SV2B: variants seen among roughly 807,000 people sequenced by gnomAD.
SV2B encodes synaptic vesicle glycoprotein 2B.
A neutral mutation model predicts 73.9 loss-of-function variants in SV2B; 41 were observed. The ratio of observed to expected loss-of-function variants is 0.56; its 90% confidence interval spans 0.43 to 0.72. The LOEUF is 0.72. SV2B is among the 30% of genes least tolerant of loss of function. The pLI is 0.00. For synonymous variants in SV2B, 314 were observed against 314.2 expected (o/e 1.00, Z 0.01); for missense variants, 764 against 857.8 (o/e 0.89, Z 1.37).
At position 91,239,937 on chromosome 15, in the gene SV2B, C is replaced by T. The variant is rs1229451152; in HGVS notation, c.452-11882C>T. Among the ~76,000 whole-genome samples the T allele has an allele frequency of 6.6e-6, 1 of 152,174 alleles. No homozygotes were observed. The highest frequency in any genetic ancestry group is 1.5e-5 in the Non-Finnish European group (1 of 68,032). ...GCTTTCCAATCACCTGGCAGGTGTCCACCAAGTCTTATGGCTTGCCTGGAT... is the reference window on the plus strand; with the variant it reads ...GCTTTCCAATCACCTGGCAGGTGTCTACCAAGTCTTATGGCTTGCCTGGAT... On this transcript the variant is annotated intron_variant, in intron 2 of 12. Coordinates refer to ENST00000394232, the MANE Select transcript of SV2B (RefSeq NM_001323032.3). The surrounding 1 kb of genome is among the most constrained non-coding windows in gnomAD (Gnocchi z 5.1).
Position 91,220,098 on chromosome 15 carries a change from A to G in SV2B, c.-391-5775A>G, listed in dbSNP as rs1394827925. On this transcript the variant is annotated intron_variant, in intron 1 of 12. Coordinates refer to ENST00000394232, the MANE Select transcript of SV2B (RefSeq NM_001323032.3). The surrounding 1 kb of genome is among the most constrained non-coding windows in gnomAD (Gnocchi z 4.1). ...TTTGTGTCCAAGTCTTTGTGTGGGC[A>G]TATATTTTTATTTATCTTGGGTAGA... Among the ~76,000 whole-genome samples the G allele has an allele frequency of 6.6e-6, 1 of 152,196 alleles. No homozygotes were observed. Among genetic ancestry groups the G allele is most frequent in the African/African-American group, 2.4e-5 (1 of 41,444 alleles).
rs2047547543 is a variant in SV2B at position 91,252,950 on chromosome 15, G to A, written c.784+430G>A. Among the ~76,000 whole-genome samples, 1 of 152,222 alleles carries A rather than the reference G, an allele frequency of 6.6e-6. No individual in the cohort carries two copies. The highest frequency in any genetic ancestry group is 2.4e-5 in the African/African-American group (1 of 41,446). Reference sequence around the variant, plus strand: ...CAAGGCCATGTCCCTGGCATGTGGTGGAGTGGGGGCTGGAGTCCTGATGTC... The same window carrying A: ...CAAGGCCATGTCCCTGGCATGTGGTAGAGTGGGGGCTGGAGTCCTGATGTC... On this transcript the variant is annotated intron_variant, in intron 4 of 12. Transcript: ENST00000394232. This position sits in a 1 kb window ranked among gnomAD's most constrained non-coding sequence, Gnocchi z 4.6.
intron 1 of SV2B, among the ~76,000 whole-genome samples, chr15:91,161,969 TAGTC>T (rs1235638973): frequency 6.6e-6 from 1 of 152,200 alleles, no homozygotes; most frequent in African/African-American, 2.4e-5. Flanking sequence ...AATCTCAAAT[TAGTC>T]AGGGTATCCA....
At chr15:91,247,762 C>T (rs2047298289) in intron 2 of SV2B, among the ~76,000 whole-genome samples, 3 of 152,108 alleles carry the variant, frequency 2.0e-5, no homozygotes, top group African/African-American at 7.2e-5. Context: ...CTGAAGCCTC[C>T]CTCTAGCGCC....
In SV2B at chr15:91,129,465, T is replaced by C. The variant is rs2042579683; in HGVS notation, c.-392+29102T>C. ...GCTGAGTCAAGTGCAATGGTGGGGATCAGCAAAGATGTATGTCTTGGAAAA... is the reference window on the plus strand; with the variant it reads ...GCTGAGTCAAGTGCAATGGTGGGGACCAGCAAAGATGTATGTCTTGGAAAA... On this transcript the variant is annotated intron_variant, in intron 1 of 12. Coordinates refer to ENST00000394232, the MANE Select transcript of SV2B (RefSeq NM_001323032.3). This position sits in a 1 kb window ranked among gnomAD's most constrained non-coding sequence, Gnocchi z 5.1. 1.3e-5 allele frequency among the ~76,000 whole-genome samples: 2 copies of C among 152,046 alleles called. No individual in the cohort carries two copies. The highest frequency in any genetic ancestry group is 4.1e-4 in the South Asian group (2 of 4,820).
intron 1 of SV2B, among the ~76,000 whole-genome samples, chr15:91,134,004 C>CTTTTTTTTTAT (rs1555470018): frequency 4.7e-5 from 5 of 106,242 alleles, no homozygotes; most frequent in African/African-American, 1.6e-4. Flanking sequence ...TTCTTTCTTC[C>CTTTTTTTTTAT]TTTTTTTTTT....
intron 1 of SV2B, among the ~76,000 whole-genome samples, chr15:91,133,182 C>G (rs560015445): frequency 1.3e-5 from 2 of 152,128 alleles, no homozygotes. Context: ...AGGAATTAAG[C>G]ATTTTCTCCT....
intron 2 of SV2B, among the ~76,000 whole-genome samples, chr15:91,248,559 G>A (rs1221025769): frequency 3.3e-5 from 5 of 152,210 alleles, no homozygotes. Context: ...CTCAGAAAGT[G>A]AGAGGTTTTG....
chr15:91,235,951 A>G (rs1171542288), intron 2 of SV2B, among the ~76,000 whole-genome samples: 2 of 152,152 alleles, frequency 1.3e-5, no homozygotes, highest in African/African-American at 4.8e-5. Flanking sequence ...CTTAGCTCCC[A>G]AGGATGTTGG....
At chr15:91,235,097 G>T (rs1203820416) in intron 2 of SV2B, among the ~76,000 whole-genome samples, 2 of 152,184 alleles carry the variant, frequency 1.3e-5, no homozygotes, top group Non-Finnish European at 2.9e-5. Context: ...GTGAAGAAAG[G>T]ATCATTGAGG....
At position 91,265,898 on chromosome 15, in the gene SV2B, T is replaced by G. The variant is rs1197214274; in HGVS notation, c.1009-684T>G. On this transcript the variant is annotated intron_variant, in intron 6 of 12. Transcript: ENST00000394232. This position sits in a 1 kb window ranked among gnomAD's most constrained non-coding sequence, Gnocchi z 4.2. Reference sequence around the variant, plus strand: ...TGGCTCACGCCTATAATCCCAGCACTGTGGGAGGCCAAGGCAGGTGGATCA... The same window carrying G: ...TGGCTCACGCCTATAATCCCAGCACGGTGGGAGGCCAAGGCAGGTGGATCA... Among the ~76,000 whole-genome samples the G allele has an allele frequency of 6.6e-6, 1 of 152,252 alleles. No homozygotes were observed. The highest frequency in any genetic ancestry group is 1.9e-4 in the East Asian group (1 of 5,196).
chr15:91,235,634 G>A (rs1307734715), intron 2 of SV2B, among the ~76,000 whole-genome samples: 1 of 152,144 alleles, frequency 6.6e-6, no homozygotes, highest in East Asian at 1.9e-4. Context: ...TATGGATTTA[G>A]CTTTGAATGT....
chr15:91,107,128 C>A (rs954247694), intron 1 of SV2B, among the ~76,000 whole-genome samples: 2 of 151,308 alleles, frequency 1.3e-5, no homozygotes, highest in Non-Finnish European at 2.9e-5. Context: ...GTGCCAGTGG[C>A]GGAGAAAAAG....
In SV2B at chr15:91,286,776, C is replaced by T. The variant is rs149467023; in HGVS notation, c.1708+2555C>T. Among the ~76,000 whole-genome samples the T allele has an allele frequency of 9.9e-5, 15 of 152,204 alleles. No individual in the cohort carries two copies. The East Asian group carries it at 1.9e-3, about 20-fold the overall frequency. On this transcript the variant is annotated intron_variant, in intron 11 of 12. Coordinates refer to ENST00000394232, the MANE Select transcript of SV2B (RefSeq NM_001323032.3). ...ACAGAAAGGTGAAGCAACTCACTCA[C>T]GGTCACACAGGTAGTAAATAAGCCG...
chr15:91,213,126 C>G (rs2045922184), intron 1 of SV2B, among the ~76,000 whole-genome samples: 1 of 152,066 alleles, frequency 6.6e-6, no homozygotes, highest in Admixed American at 6.5e-5. Flanking sequence ...GCACTCCAGC[C>G]TGGGTGGTGG....
At chr15:91,263,520 A>G (rs2047996990) in intron 6 of SV2B, among the ~76,000 whole-genome samples, 2 of 152,070 alleles carry the variant, frequency 1.3e-5, no homozygotes, top group South Asian at 4.1e-4. Context: ...ATGTAGATGC[A>G]GAGACACACA....
intron 9 of SV2B, among the ~76,000 whole-genome samples, chr15:91,278,828 A>G (rs1413816214): frequency 6.6e-6 from 1 of 152,056 alleles, no homozygotes; most frequent in East Asian, 1.9e-4. Context: ...GACCTGATCT[A>G]AGGTAATATG....
At chr15:91,210,577 G>A (rs776077325) in intron 1 of SV2B, among the ~76,000 whole-genome samples, 10 of 152,078 alleles carry the variant, frequency 6.6e-5, no homozygotes, top group Non-Finnish European at 1.2e-4. Context: ...AATGATCCTG[G>A]ATCCTCCTTG....
chr15:91,170,851 G>GTT (rs559969293), intron 1 of SV2B, among the ~76,000 whole-genome samples: 3 of 147,216 alleles, frequency 2.0e-5, no homozygotes, highest in Non-Finnish European at 3.0e-5. Flanking sequence ...TTGTATTTAG[G>GTT]TTTTTTTTTT....
Sources: gnomAD v4.1 joint callset for allele counts (sites outside exome capture counted in the v4.1 genomes callset) on GRCh38, gnomAD v4.1.1 for gene constraint, Gnocchi (gnomAD v3.1) non-coding constraint, MANE v1.5 for transcripts, NCBI Gene and HGNC (gene_info 2026-07-23, HGNC 2026-07-21) for gene names.